The following HIVEP1 variants were observed in gnomAD, a reference collection of about 807,000 sequenced individuals.
HIVEP1 encodes the protein HIVEP zinc finger 1.
In HIVEP1, 36 loss-of-function variants were observed where a neutral mutation model predicts 180.0. That is an observed-to-expected ratio of 0.20 (90% CI 0.15 to 0.26). HIVEP1 has a LOEUF of 0.26. Ranked by LOEUF, HIVEP1 falls within the 10% of genes least tolerant of loss-of-function variation. The pLI is 1.00. For synonymous variants in HIVEP1, 1,239 were observed against 1,239.0 expected, an observed-to-expected ratio of 1.00 and a Z score of 0.00; for missense variants, 3,143 against 3,268.7, an observed-to-expected ratio of 0.96 and a Z score of 0.94.
chr6:12,161,243 G>A (rs759488834), intron 7 of HIVEP1, among the ~76,000 whole-genome samples, 196 bp from the exon 8 acceptor site: 2 of 152,062 alleles, frequency 1.3e-5, no homozygotes, highest in Non-Finnish European at 2.9e-5. Context: ...CCGCAGAGCT[G>A]CCCTCCTCTG....
the HIVEP1 span, among the ~76,000 whole-genome samples, chr6:12,177,557 GACC>G: frequency 6.6e-6 from 1 of 152,096 alleles, no homozygotes; most frequent in African/African-American, 2.4e-5. Context: ...TTTAGTAAAG[GACC>G]TGTGTAGCCT....
At chr6:12,028,187 G>A (rs1211617701) in intron 2 of HIVEP1, among the ~76,000 whole-genome samples, 1 of 152,184 alleles carries the variant, frequency 6.6e-6, no homozygotes, top group African/African-American at 2.4e-5. Context: ...AGCCCATAGT[G>A]GTCATGAAGT....
intron 7 of HIVEP1, among the ~76,000 whole-genome samples, chr6:12,148,235 C>CCTGGGGG (rs1208232422): frequency 1.3e-5 from 2 of 152,174 alleles, no homozygotes; most frequent in Non-Finnish European, 2.9e-5. Flanking sequence ...GCTAGGGAGA[C>CCTGGGGG]CTGGGGGCTG....
rs748378735 is a variant in HIVEP1, at chr6:12,164,268, G to A, written c.7964G>A (p.Gly2655Asp). Reference sequence around the variant, plus strand: ...AAGCCTGAACTCACTTCCATACAGGGCCAACCAGCGTCCACGTCACAACCT... The same window carrying A: ...AAGCCTGAACTCACTTCCATACAGGACCAACCAGCGTCCACGTCACAACCT... ...KPKPELTSIQ[G>D]QPASTSQPLL... The change falls in exon 9 of 9, where the codon GGC becomes GAC. Residue 2655 changes from glycine to aspartate, a missense_variant. Gly to Asp is a moderately conservative substitution (Grantham distance 94). Around this residue, in one of 12 missense-constraint regions of HIVEP1, gnomAD observed 595 missense variants for 602.2 expected, o/e 0.99. Transcript: ENST00000379388. 4.3e-6 allele frequency: 7 copies of A among 1,613,940 alleles called. No homozygotes were observed. In the East Asian group the frequency reaches 6.7e-5, roughly 15 times the overall value.
At chr6:12,096,097 A>G (rs1357877229) in intron 3 of HIVEP1, among the ~76,000 whole-genome samples, 3 of 152,162 alleles carry the variant, frequency 2.0e-5, no homozygotes, top group East Asian at 3.9e-4. Context: ...AATTGCCACT[A>G]TCATTACCAG....
At chr6:12,141,731 C>A (rs1419941328) in intron 7 of HIVEP1, among the ~76,000 whole-genome samples, 2 of 105,134 alleles carry the variant, frequency 1.9e-5, no homozygotes, top group African/African-American at 3.3e-5. Context: ...GCAGGGGTTG[C>A]AATCCTAGTC....
intron 7 of HIVEP1, among the ~76,000 whole-genome samples, chr6:12,160,719 A>T (rs1256687199): frequency 2.0e-5 from 3 of 152,242 alleles, no homozygotes; most frequent in African/African-American, 4.8e-5. Context: ...AGTAACAGTG[A>T]TTAGTGACTG....
At chr6:12,089,379 A>G in intron 3 of HIVEP1, 142 bp downstream of exon 3, 1 of 516,676 alleles carries the variant, frequency 1.9e-6, no homozygotes, top group Non-Finnish European at 3.5e-6. Flanking sequence ...GATACTTAAA[A>G]TGTTGTGGAC....
intron 2 of HIVEP1, among the ~76,000 whole-genome samples, chr6:12,069,783 A>C (rs1309839674): frequency 7.9e-5 from 12 of 152,098 alleles, no homozygotes; most frequent in African/African-American, 2.9e-4. Flanking sequence ...ACTGTAGCTT[A>C]CTGTAACTTT....
At position 12,123,935 on chromosome 6, in the gene HIVEP1, C is replaced by T. The variant is rs1757880971; in HGVS notation, c.4140C>T (p.Val1380=). 6.2e-7 allele frequency: 1 copy of T among 1,614,082 alleles called. No homozygotes were observed. The highest frequency in any genetic ancestry group is 8.5e-7 in the Non-Finnish European group (1 of 1,179,982). ...QINCTQTSME[V]SDLRSKSFDC... is the part of the protein sequence containing the mutation. ...ATTGCACGCAAACGTCAATGGAGGT[C>T]TCTGATCTCAGAAGCAAATCATTCG... The change falls in exon 4 of 9, where the codon GTC becomes GTT. Residue 1380 remains valine (V), a synonymous_variant. Coordinates refer to ENST00000379388, the MANE Select transcript of HIVEP1 (RefSeq NM_002114.4).
rs774521613 is a variant in HIVEP1, at chr6:12,125,467, A to G, written c.5672A>G (p.Asn1891Ser). 13 of 1,614,024 alleles carry G rather than the reference A, an allele frequency of 8.1e-6. No individual in the cohort carries two copies. In the Middle Eastern group the frequency reaches 9.9e-4, roughly 122 times the overall value. The change falls in exon 4 of 9, where the codon AAT (asparagine) becomes AGT (serine). Residue 1891 changes from asparagine (N) to serine (S), a missense_variant. Asn to Ser is a conservative substitution (Grantham distance 46). Around this residue, in one of 12 missense-constraint regions of HIVEP1, gnomAD observed 1,357 missense variants for 1,260.5 expected, o/e 1.08. Transcript: ENST00000379388. ...ATTTCTCCTTTGAAATGTACAGACA[A>G]TAACCAAGAAAGGAAGTCTCCAGGG... ...THISPLKCTD[N>S]NQERKSPGVK...
intron 2 of HIVEP1, among the ~76,000 whole-genome samples, chr6:12,059,345 A>G (rs973471393): frequency 6.6e-6 from 1 of 152,092 alleles, no homozygotes; most frequent in Non-Finnish European, 1.5e-5. Flanking sequence ...GCCAACATTC[A>G]TACTTTCTTA....
At position 12,163,307 on chromosome 6, in the gene HIVEP1, C is replaced by T. The variant is rs1760521387; in HGVS notation, c.7003C>T (p.Pro2335Ser). 1 of 1,613,994 alleles carries T rather than the reference C, an allele frequency of 6.2e-7. No individual in the cohort carries two copies. The highest frequency in any genetic ancestry group is 8.5e-7 in the Non-Finnish European group (1 of 1,179,914). Residue 2335 changes from proline to serine, a missense_variant, in exon 9 of 9, where the codon CCT (proline) becomes TCT (serine). Pro to Ser is a moderately conservative substitution (Grantham distance 74, BLOSUM62 -1). Transcript: ENST00000379388. ...TQSPSSVRLP[P>S]AAAEHSPQTA... The stretch of plus-strand genomic sequence containing the variant: ...GAGCCCATCATCTGTAAGACTTCCT[C>T]CTGCTGCAGCTGAGCACAGCCCCCA...
At chr6:12,089,533 C>T (rs979122087) in intron 3 of HIVEP1, among the ~76,000 whole-genome samples, 1 of 151,874 alleles carries the variant, frequency 6.6e-6, no homozygotes, top group East Asian at 1.9e-4. Flanking sequence ...AATAAAAGTA[C>T]CAATATAAGG....
At chr6:12,145,528 A>G (rs916364039) in intron 7 of HIVEP1, among the ~76,000 whole-genome samples, 24 of 151,946 alleles carry the variant, frequency 1.6e-4, no homozygotes, top group African/African-American at 5.5e-4. Context: ...AAAAAAAAAA[A>G]AAAAAGAACG....
intron 3 of HIVEP1, among the ~76,000 whole-genome samples, chr6:12,090,977 C>T (rs1245368148): frequency 6.6e-6 from 1 of 152,024 alleles, no homozygotes; most frequent in Non-Finnish European, 1.5e-5. Flanking sequence ...TATTTAAGAG[C>T]TAGGATGAAT....
intron 2 of HIVEP1, among the ~76,000 whole-genome samples, chr6:12,017,291 A>G (rs965709475): frequency 6.6e-6 from 1 of 152,066 alleles, no homozygotes; most frequent in Non-Finnish European, 1.5e-5. Context: ...CCTCGCCGTG[A>G]GTGTTATAGC....
chr6:12,175,627 C>T, the HIVEP1 span, among the ~76,000 whole-genome samples: 1 of 152,142 alleles, frequency 6.6e-6, no homozygotes, highest in Non-Finnish European at 1.5e-5. Flanking sequence ...TTAAATACTG[C>T]GCTATGTTTA....
intron 3 of HIVEP1, among the ~76,000 whole-genome samples, chr6:12,110,676 C>T (rs1305599104): frequency 1.3e-5 from 2 of 152,194 alleles, no homozygotes; most frequent in Admixed American, 1.3e-4. Context: ...CTGTCCAAAC[C>T]ACTAAAATTT....
Sources: gnomAD v4.1 joint callset for allele counts (sites outside exome capture counted in the v4.1 genomes callset) on GRCh38, gnomAD v4.1.1 for gene constraint, gnomAD v4.1.1 regional missense constraint, MANE v1.5 for transcripts, NCBI Gene and HGNC (gene_info 2026-07-23, HGNC 2026-07-21) for gene names.